The following LAIR1 variants were observed in gnomAD, a reference collection of about 807,000 sequenced individuals.
The protein encoded by LAIR1 is leukocyte associated immunoglobulin like receptor 1.
In LAIR1, 24 loss-of-function variants were observed where a neutral mutation model predicts 32.8. The observed-to-expected ratio is 0.73, with a 90% CI of 0.53 to 1.03. LAIR1 has a LOEUF of 1.03. Ranked by LOEUF, LAIR1 falls within the 50% of genes least tolerant of loss-of-function variation. The pLI is 0.00. For missense variants in LAIR1, 355 were observed against 347.5 expected (o/e 1.02, Z -0.17); for synonymous variants, 150 against 140.5 (o/e 1.07, Z -0.48).
intron 4 of LAIR1, among the ~76,000 whole-genome samples, chr19:54,359,676 G>A (rs540853400): frequency 9.5e-3 from 1,441 of 151,580 alleles, no homozygotes; most frequent in Non-Finnish European, 0.016. Flanking sequence ...GGTGGCCCCT[G>A]CCCCTTCATG....
rs540913335 is a variant in LAIR1, at chr19:54,356,731, G to A, written c.455-112C>T. 14 of 1,255,416 alleles carry A rather than the reference G, an allele frequency of 1.1e-5. No individual in the cohort carries two copies. In the African/African-American group the frequency reaches 1.8e-4, roughly 16 times the overall value. The allele number at this position is 1,255,416 out of a possible 1,614,324, so 77.8% of individuals were successfully genotyped here. On this transcript the variant is annotated intron_variant, in intron 5 of 9. Transcript: ENST00000391742. The stretch of plus-strand genomic sequence containing the variant: ...ACTTACTAATATATAAAATATCTTA[G>A]GTAAATAATAGTCCTGCAGTACAGG...
intron 2 of LAIR1, among the ~76,000 whole-genome samples, chr19:54,363,192 G>T (rs1464129711): frequency 2.6e-5 from 4 of 151,964 alleles, no homozygotes; most frequent in Non-Finnish European, 5.9e-5. Flanking sequence ...GGCCGGCCTC[G>T]GGGAGCCACG....
Position 54,354,468 on chromosome 19 carries a change from T to C in LAIR1, c.*800A>G, listed in dbSNP as rs1319285257. 1 of 152,256 alleles carries C rather than the reference T, an allele frequency of 6.6e-6. No individual in the cohort carries two copies. Among genetic ancestry groups the C allele is most frequent in the Non-Finnish European group, 1.5e-5 (1 of 68,054 alleles). The allele number at this position is 152,256 out of a possible 1,614,324, so 9.4% of individuals were successfully genotyped here. On this transcript the variant is annotated 3_prime_UTR_variant, in exon 10 of 10. Transcript: ENST00000391742. ...GATGGGTGCGCTGAGGAATTGATTG[T>C]GACTGTCATTGCACAATGTACGTGT...
chr19:54,365,642 A>G (rs1477427808), upstream of LAIR1, among the ~76,000 whole-genome samples: 1 of 152,126 alleles, frequency 6.6e-6, no homozygotes, highest in African/African-American at 2.4e-5. Flanking sequence ...AATACAAAAA[A>G]TTAGCTGGGT....
At chr19:54,368,358 G>A (rs1254358278), upstream of LAIR1, 1 of 152,164 alleles carries the variant, frequency 6.6e-6, no homozygotes, top group Non-Finnish European at 1.5e-5. Context: ...TTGAAACTTA[G>A]CATTGAACAT....
chr19:54,354,389 T>C lies in LAIR1; in HGVS notation c.*879A>G, dbSNP rs2081610175. On this transcript the variant is annotated 3_prime_UTR_variant, in exon 10 of 10. Transcript: ENST00000391742. Reference sequence around the variant, plus strand: ...ATTTGTCAGAAAACACTGACACCAATGTGAAGTCCTAAGATGAGCAAGTTC... The same window carrying C: ...ATTTGTCAGAAAACACTGACACCAACGTGAAGTCCTAAGATGAGCAAGTTC... 1 of 152,190 alleles carries C rather than the reference T, an allele frequency of 6.6e-6. No homozygotes were observed. Among genetic ancestry groups the C allele is most frequent in the African/African-American group, 2.4e-5 (1 of 41,430 alleles). 9.4% of individuals were successfully genotyped at this position (152,190 alleles called of 1,614,324 possible). A position where few individuals can be genotyped will look rare whatever the true frequency, so the allele number is the denominator to read the frequency against.
At chr19:54,358,902 G>A (rs2081867828) in intron 4 of LAIR1, among the ~76,000 whole-genome samples, 1 of 152,026 alleles carries the variant, frequency 6.6e-6, no homozygotes, top group Admixed American at 6.5e-5. Flanking sequence ...CTGTCCTCGT[G>A]ACCTTTATAT....
chr19:54,371,678 A>C (rs547075653), upstream of LAIR1, among the ~76,000 whole-genome samples: 5 of 151,542 alleles, frequency 3.3e-5, no homozygotes, highest in South Asian at 1.0e-3. Flanking sequence ...GCACGCATCA[A>C]TGTCTTCTTA....
chr19:54,357,280 G>A (rs1250130080), intron 4 of LAIR1: 2 of 399,542 alleles, frequency 5.0e-6, no homozygotes, highest in East Asian at 4.5e-5. Context: ...CCTACTGGAC[G>A]GTGCAGATAC....
At chr19:54,368,594 T>G (rs2082324937), upstream of LAIR1, 1 of 152,190 alleles carries the variant, frequency 6.6e-6, no homozygotes, top group African/African-American at 2.4e-5. Context: ...CACCAACATA[T>G]CCAAGATTTT....
At chr19:54,357,231 A>C in intron 4 of LAIR1, 1 of 511,968 alleles carries the variant, frequency 2.0e-6, no homozygotes, top group Non-Finnish European at 3.5e-6. Flanking sequence ...CACCGTCTGC[A>C]CCTCCAGGAC....
rs987256924 is a variant in LAIR1 at position 54,355,053 on chromosome 19, A to G, written c.*215T>C. 4.0e-6 allele frequency: 2 copies of G among 497,746 alleles called. No individual in the cohort carries two copies. The highest frequency in any genetic ancestry group is 7.1e-6 in the Non-Finnish European group (2 of 280,218). 30.8% of individuals were successfully genotyped at this position (497,746 alleles called of 1,614,324 possible). The stretch of plus-strand genomic sequence containing the variant: ...GAAATAACTGAGAAACAGTCTGTCC[A>G]AGGAGCTGCTCGATTGTAGAAGGGA... On this transcript the variant is annotated 3_prime_UTR_variant, in exon 10 of 10. Transcript: ENST00000391742. This position sits in a 1 kb window ranked among gnomAD's most constrained non-coding sequence, Gnocchi z 4.7.
At chr19:54,369,325 A>C (rs1012993920), upstream of LAIR1, among the ~76,000 whole-genome samples, 1 of 151,258 alleles carries the variant, frequency 6.6e-6, no homozygotes, top group African/African-American at 2.5e-5. Context: ...ATATTCCCCT[A>C]GTATCTGAAC....
chr19:54,371,977 G>C (rs1259370172), upstream of LAIR1, among the ~76,000 whole-genome samples: 4 of 151,634 alleles, frequency 2.6e-5, 1 homozygote, highest in African/African-American at 7.3e-5. Flanking sequence ...TGACTTGAGA[G>C]CTTGTGTCTT....
At chr19:54,366,313 A>T (rs541358804), upstream of LAIR1, among the ~76,000 whole-genome samples, 2 of 152,264 alleles carry the variant, frequency 1.3e-5, no homozygotes, top group Non-Finnish European at 2.9e-5. Context: ...AATGGTTGTG[A>T]CCAAAATGCT....
chr19:54,359,785 G>A (rs1420924850), intron 4 of LAIR1: 1 of 387,162 alleles, frequency 2.6e-6, no homozygotes, highest in Non-Finnish European at 4.6e-6. Context: ...ATTAAGTGGT[G>A]CTTGCATTAA....
At chr19:54,357,555 G>C (rs534994026) in intron 4 of LAIR1, 2 of 153,900 alleles carry the variant, frequency 1.3e-5, no homozygotes, top group African/African-American at 2.4e-5. Context: ...TGCAGCTAGC[G>C]GGCGAGTGTG....
At chr19:54,363,661 C>T (rs890049548) in intron 2 of LAIR1, among the ~76,000 whole-genome samples, 4 of 152,154 alleles carry the variant, frequency 2.6e-5, no homozygotes, top group Admixed American at 6.5e-5. Context: ...CATGGATGAA[C>T]CAGAGGACGT....
rs2081554005 is a variant in LAIR1, at chr19:54,352,710, C to A, written c.*2558G>T. On this transcript the variant is annotated 3_prime_UTR_variant, in exon 10 of 10. Transcript: ENST00000391742. Reference sequence around the variant, plus strand: ...GCTCTGCAAGGGGTAGAAAAATTCACCCATCCTCTGCTATGTGCAGACTGT... The same window carrying A: ...GCTCTGCAAGGGGTAGAAAAATTCAACCATCCTCTGCTATGTGCAGACTGT... The A allele has an allele frequency of 6.5e-6, 1 of 153,394 alleles. No homozygotes were observed. The highest frequency in any genetic ancestry group is 1.5e-5 in the Non-Finnish European group (1 of 68,092). The allele number at this position is 153,394 out of a possible 1,614,324, so 9.5% of individuals were successfully genotyped here.
Sources: gnomAD v4.1 joint callset for allele counts (sites outside exome capture counted in the v4.1 genomes callset) on GRCh38, gnomAD v4.1.1 for gene constraint, Gnocchi (gnomAD v3.1) non-coding constraint, MANE v1.5 for transcripts, NCBI Gene and HGNC (gene_info 2026-07-23, HGNC 2026-07-21) for gene names.